ZNF556: variants seen among roughly 807,000 people sequenced by gnomAD.
The protein encoded by ZNF556 is zinc finger protein 556.
ZNF556 carries 11 observed loss-of-function variants against 13.6 expected under a neutral mutation model. That is an observed-to-expected ratio of 0.81 (90% confidence interval 0.51 to 1.33). The LOEUF is 1.33. Among genes scored for constraint, ZNF556 ranks in the 40% most tolerant of loss-of-function variants. The pLI, the probability that ZNF556 is intolerant of heterozygous loss-of-function variation, is 0.00. For synonymous variants in ZNF556, 229 were observed against 207.8 expected, an observed-to-expected ratio of 1.10 and a Z score of -0.88; for missense variants, 633 against 566.2, an observed-to-expected ratio of 1.12 and a Z score of -1.20.
Position 2,877,293 on chromosome 19 carries a change from G to T in ZNF556, c.335G>T (p.Arg112Ile). ...TTTAGCAGAAATCCAAGGGTGGAGA[G>T]ACCATGTAAAAGCAGTAAAGGTAAT... ...RHLSRNPRVE[R>I]PCKSSKGNKR... Residue 112 changes from arginine to isoleucine, a missense_variant, in exon 4 of 4, where the codon AGA becomes ATA. Transcript: ENST00000307635. The T allele has an allele frequency of 6.2e-7, 1 of 1,611,968 alleles. No individual in the cohort carries two copies. The highest frequency in any genetic ancestry group is 1.1e-5 in the South Asian group (1 of 90,964).
Position 2,867,523 on chromosome 19 carries a change from A to G in ZNF556, c.3+99A>G, listed in dbSNP as rs1471541738. 7 of 1,503,446 alleles carry G rather than the reference A, an allele frequency of 4.7e-6. No homozygotes were observed. In the African/African-American group the frequency reaches 7.0e-5, roughly 15 times the overall value. 93.1% of individuals were successfully genotyped at this position (1,503,446 alleles called of 1,614,324 possible). Reference sequence around the variant, plus strand: ...GAAACTCCCGGGGGAGCCGCCCGGAACCCCCATGCAGCCTCTGTCCCTGTG... The same window carrying G: ...GAAACTCCCGGGGGAGCCGCCCGGAGCCCCCATGCAGCCTCTGTCCCTGTG... On this transcript the variant is annotated intron_variant, in intron 1 of 3. Coordinates refer to ENST00000307635, the MANE Select transcript of ZNF556 (RefSeq NM_024967.3).
chr19:2,873,575 T>G lies in ZNF556; in HGVS notation c.83T>G (p.Leu28Arg), dbSNP rs1287460165. ...TTGCTGAATCCTGCTCAGAGAAAAC[T>G]CTACAGAGATGTCATGCTGGAGACC... The part of the protein sequence containing the change: ...WALLNPAQRK[L>R]YRDVMLETFK... Residue 28 changes from leucine to arginine, a missense_variant, in exon 2 of 4, where the codon CTC becomes CGC. Coordinates refer to ENST00000307635, the MANE Select transcript of ZNF556 (RefSeq NM_024967.3). 3 of 1,613,976 alleles carry G rather than the reference T, an allele frequency of 1.9e-6. No individual in the cohort carries two copies. The highest frequency in any genetic ancestry group is 2.5e-6 in the Non-Finnish European group (3 of 1,179,972).
At chr19:2,869,389 C>T (rs560628145) in intron 1 of ZNF556, among the ~76,000 whole-genome samples, 11 of 151,902 alleles carry the variant, frequency 7.2e-5, no homozygotes, top group South Asian at 6.2e-4. Flanking sequence ...TTTTTTGAGA[C>T]GGAGTCTTGC....
rs768258402 is a variant in ZNF556, at chr19:2,877,997, A to G, written c.1039A>G (p.Ser347Gly). The change falls in exon 4 of 4, where the codon AGC becomes GGC. Residue 347 changes from serine to glycine, a missense_variant. Transcript: ENST00000307635. ...HAKKKPVSGG[S>G]VGKSSARPRP... ...TAAAAAGAAACCTGTGAGTGGGGGC[A>G]GCGTGGGAAAGTCTTCCGCGAGGCC... The G allele has an allele frequency of 7.4e-6, 12 of 1,614,162 alleles. No individual in the cohort carries two copies. Among genetic ancestry groups the G allele is most frequent in the Non-Finnish European group, 1.0e-5 (12 of 1,179,996 alleles).
At chr19:2,874,758 A>AAAAAAAAAAG (rs1555725942) in intron 2 of ZNF556, among the ~76,000 whole-genome samples, 3 of 130,736 alleles carry the variant, frequency 2.3e-5, no homozygotes, top group Admixed American at 8.9e-5. Context: ...AAAAAAAAAA[A>AAAAAAAAAAG]AAAGAAAGAA....
Position 2,876,202 on chromosome 19 carries a change from G to A in ZNF556, c.240G>A (p.Trp80Ter). 1 of 1,610,286 alleles carries A rather than the reference G, an allele frequency of 6.2e-7. No individual in the cohort carries two copies. The highest frequency in any genetic ancestry group is 8.5e-7 in the Non-Finnish European group (1 of 1,178,988). Residue 80 changes from tryptophan (W) to a stop codon, truncating the protein, a stop_gained, in exon 3 of 4, where the codon TGG becomes TGA. Coordinates refer to ENST00000307635, the MANE Select transcript of ZNF556 (RefSeq NM_024967.3). LOFTEE classifies it high-confidence loss of function. ...KIEKFTRKNI[W>*]ASLLGKNWEE... ...AAAAGTTCACAAGAAAGAATATATG[G>A]GCCTCCCTTTTAGGAAAAAATTGGG...
Position 2,867,427 on chromosome 19 carries a change from G to A in ZNF556, c.3+3G>A. Reference sequence around the variant, plus strand: ...AGCTCAGGAACGGACAGGACATGGTGAGTGCAGGGCAGGAGCCGAGCCGGA... The same window carrying A: ...AGCTCAGGAACGGACAGGACATGGTAAGTGCAGGGCAGGAGCCGAGCCGGA... On this transcript the variant is annotated splice_donor_region_variant and intron_variant, in intron 1 of 3. Coordinates refer to ENST00000307635, the MANE Select transcript of ZNF556 (RefSeq NM_024967.3). 2 of 1,584,684 alleles carry A rather than the reference G, an allele frequency of 1.3e-6. No homozygotes were observed. The highest frequency in any genetic ancestry group is 4.6e-5 in the East Asian group (2 of 43,946).
At chr19:2,874,127 C>T (rs1042933037) in intron 2 of ZNF556, among the ~76,000 whole-genome samples, 6 of 150,882 alleles carry the variant, frequency 4.0e-5, no homozygotes, top group African/African-American at 4.9e-5. Flanking sequence ...CATGGTGGTG[C>T]GTGCCTGTAA....
Position 2,870,662 on chromosome 19 carries a change from G to T in ZNF556, c.4-2834G>T, listed in dbSNP as rs575373767. On this transcript the variant is annotated intron_variant, in intron 1 of 3. Coordinates refer to ENST00000307635, the MANE Select transcript of ZNF556 (RefSeq NM_024967.3). Reference sequence around the variant, plus strand: ...CTCGGGAGGCTGAGGCAGGAGAATCGCTTGAACTCTGAAGGTGGAGTTTGC... The same window carrying T: ...CTCGGGAGGCTGAGGCAGGAGAATCTCTTGAACTCTGAAGGTGGAGTTTGC... Among the ~76,000 whole-genome samples the T allele has an allele frequency of 2.0e-5, 3 of 148,710 alleles. No individual in the cohort carries two copies. The Admixed American group carries it at 2.0e-4, about 10-fold the overall frequency.
chr19:2,871,425 G>A (rs932224796), intron 1 of ZNF556, among the ~76,000 whole-genome samples: 3 of 152,266 alleles, frequency 2.0e-5, no homozygotes, highest in African/African-American at 7.2e-5. Flanking sequence ...AGAGATGTTG[G>A]TCAAAGTGAA....
Position 2,877,563 on chromosome 19 carries a change from C to T in ZNF556, c.605C>T (p.Pro202Leu), listed in dbSNP as rs2087864920. The change falls in exon 4 of 4, where the codon CCC becomes CTC. Residue 202 changes from proline (P) to leucine (L), a missense_variant. Coordinates refer to ENST00000307635, the MANE Select transcript of ZNF556 (RefSeq NM_024967.3). The stretch of plus-strand genomic sequence containing the variant: ...GAGAAAACTCACAGTGGAGAGAAAC[C>T]CTATGCCTGTCAATCTTGCGGGAAG... ...THEKTHSGEKPYACQSCGKTF... is the reference protein window; with the variant it reads ...THEKTHSGEKLYACQSCGKTF... The T allele has an allele frequency of 1.2e-6, 2 of 1,614,024 alleles. No individual in the cohort carries two copies. Among genetic ancestry groups the T allele is most frequent in the African/African-American group, 1.3e-5 (1 of 74,912 alleles).
intron 2 of ZNF556, chr19:2,875,071 G>T: frequency 6.3e-6 from 1 of 157,724 alleles, no homozygotes; most frequent in South Asian, 1.8e-4. Context: ...TCCCTCAGAT[G>T]ATTCTGGTTT....
chr19:2,880,903 C>G lies in ZNF556; in HGVS notation c.*2574C>G, dbSNP rs2087899757. The G allele has an allele frequency of 7.2e-6, 1 of 139,822 alleles. No homozygotes were observed. Among genetic ancestry groups the G allele is most frequent in the Non-Finnish European group, 1.5e-5 (1 of 65,966 alleles). 8.7% of individuals were successfully genotyped at this position (139,822 alleles called of 1,614,324 possible). A position where few individuals can be genotyped will look rare whatever the true frequency, so the allele number is the denominator to read the frequency against. The stretch of plus-strand genomic sequence containing the variant: ...TTTTTTTTTGAGACAGATTCTCGCT[C>G]TGTTACCCAGGCTGGAGTGCAGTGC... On this transcript the variant is annotated 3_prime_UTR_variant, in exon 4 of 4. Coordinates refer to ENST00000307635, the MANE Select transcript of ZNF556 (RefSeq NM_024967.3).
chr19:2,878,503 T>G lies in ZNF556; in HGVS notation c.*174T>G. The G allele has an allele frequency of 2.5e-6, 1 of 405,278 alleles. No homozygotes were observed. Among genetic ancestry groups the G allele is most frequent in the Non-Finnish European group, 4.3e-6 (1 of 234,954 alleles). The allele number at this position is 405,278 out of a possible 1,614,324, so 25.1% of individuals were successfully genotyped here. On this transcript the variant is annotated 3_prime_UTR_variant, in exon 4 of 4. Transcript: ENST00000307635. ...GGCTATGGTGAAACCCCGTCTCTACTAAAAAAAAAAAAAATACAAAAAATT... is the reference window on the plus strand; with the variant it reads ...GGCTATGGTGAAACCCCGTCTCTACGAAAAAAAAAAAAAATACAAAAAATT...
At chr19:2,875,111 T>G (rs1417900865) in intron 2 of ZNF556, 2 of 155,138 alleles carry the variant, frequency 1.3e-5, no homozygotes, top group Non-Finnish European at 2.9e-5. Flanking sequence ...AGTTACTGTG[T>G]TGTTGTTTGC....
Position 2,874,706 on chromosome 19 carries a change from T to C in ZNF556, c.130+1084T>C, listed in dbSNP as rs540910897. On this transcript the variant is annotated intron_variant, in intron 2 of 3. Transcript: ENST00000307635. ...CTGCAGTGAGTCGAGATTGTATCACTGCACTCCAGCCTGGGTGACAGAGTA... is the reference window on the plus strand; with the variant it reads ...CTGCAGTGAGTCGAGATTGTATCACCGCACTCCAGCCTGGGTGACAGAGTA... 5.2e-5 allele frequency among the ~76,000 whole-genome samples: 7 copies of C among 135,352 alleles called. No individual in the cohort carries two copies. The South Asian group carries it at 1.6e-3, about 30-fold the overall frequency. The allele number at this position is 135,352 out of a possible 152,430, so 88.8% of individuals were successfully genotyped here.
At chr19:2,872,818 CAA>C (rs770269518) in intron 1 of ZNF556, among the ~76,000 whole-genome samples, 10,287 of 74,896 alleles carry the variant, frequency 0.14, 1,434 homozygotes, top group African/African-American at 0.39. Flanking sequence ...GACTCCATCT[CAA>C]AAAAAAAAAA....
intron 1 of ZNF556, among the ~76,000 whole-genome samples, chr19:2,867,737 A>C (rs1268454768): frequency 1.3e-5 from 2 of 150,678 alleles, no homozygotes; most frequent in Admixed American, 6.6e-5. Context: ...AAAAAAAAAA[A>C]ACCTCACCCC....
chr19:2,877,703 C>A lies in ZNF556; in HGVS notation c.745C>A (p.His249Asn), dbSNP rs560084705. Residue 249 changes from histidine (H) to asparagine (N), a missense_variant, in exon 4 of 4, where the codon CAT becomes AAT. Physicochemically the swap from His to Asn is moderately conservative, Grantham distance 68. Transcript: ENST00000307635. The part of the protein sequence containing the change: ...GFSCPKSFRA[H>N]VMMHAGGRPY... The stretch of plus-strand genomic sequence containing the variant: ...CAGTTGTCCCAAATCCTTTCGCGCA[C>A]ATGTGATGATGCACGCCGGAGGGAG... 6.2e-7 allele frequency: 1 copy of A among 1,614,150 alleles called. No individual in the cohort carries two copies. The highest frequency in any genetic ancestry group is 2.2e-5 in the East Asian group (1 of 44,870).
Sources: allele counts gnomAD v4.1 joint callset (sites outside exome capture counted in the v4.1 genomes callset), GRCh38; gene constraint gnomAD v4.1.1; transcripts MANE v1.5; gene names NCBI Gene and HGNC (gene_info 2026-07-23, HGNC 2026-07-21).